PVT1: variants seen among roughly 807,000 people sequenced by gnomAD.
PVT1 encodes the protein CXCR4/PVT1 fusion.
chr8:127,862,952 C>A lies in PVT1; in HGVS notation n.373-27637C>A, dbSNP rs116468558. ...AAGTCCCCTTTGTTAGGCATCCTGTCCCTGGATTCGACACCTCCATTTCTA... is the reference window on the plus strand; with the variant it reads ...AAGTCCCCTTTGTTAGGCATCCTGTACCTGGATTCGACACCTCCATTTCTA... On this transcript the variant is annotated intron_variant and non_coding_transcript_variant, in intron 2 of 10. Transcript: ENST00000651587. Among the ~76,000 whole-genome samples, 764 of 152,158 alleles carry A rather than the reference C, an allele frequency of 5.0e-3. 10 individuals carry two copies. Among genetic ancestry groups the A allele is most frequent in the African/African-American group, 0.017 (709 of 41,490 alleles).
chr8:128,050,397 C>T (rs1197348651), intron 4 of PVT1, among the ~76,000 whole-genome samples: 1 of 152,188 alleles, frequency 6.6e-6, no homozygotes, highest in Non-Finnish European at 1.5e-5. Flanking sequence ...AGTCAGACCT[C>T]TCAGGGGGCA....
intron 2 of PVT1, among the ~76,000 whole-genome samples, chr8:127,851,476 G>C (rs924974331): frequency 1.3e-5 from 2 of 152,182 alleles, no homozygotes; most frequent in East Asian, 3.8e-4. Context: ...GGGCTTTGCA[G>C]GCTTTTGGTG....
At chr8:127,842,852 G>A (rs7815137) in intron 2 of PVT1, among the ~76,000 whole-genome samples, 12,059 of 152,186 alleles carry the variant, frequency 0.079, 1,455 homozygotes, top group African/African-American at 0.26. Context: ...TCTCAAAGGG[G>A]GTTGAATGAG....
chr8:127,915,134 A>C (rs1341209096), intron 3 of PVT1, among the ~76,000 whole-genome samples: 1 of 152,000 alleles, frequency 6.6e-6, no homozygotes, highest in Non-Finnish European at 1.5e-5. Context: ...CAATGAGTAC[A>C]AAGTTTTATT....
At chr8:128,004,663 T>G (rs775761673) in intron 4 of PVT1, among the ~76,000 whole-genome samples, 46 of 152,196 alleles carry the variant, frequency 3.0e-4, no homozygotes, top group Non-Finnish European at 5.4e-4. Flanking sequence ...GGAGATAGAC[T>G]AGTCTCCAGA....
chr8:127,856,245 GGGTGGCTGGGAAA>G (rs1420297883), intron 2 of PVT1, among the ~76,000 whole-genome samples: 1 of 152,018 alleles, frequency 6.6e-6, no homozygotes, highest in Non-Finnish European at 1.5e-5. Flanking sequence ...GGGTATGCTG[GGGTGGCTGGGAAA>G]GGTGGTTGGG....
At chr8:127,839,788 C>T (rs953783247) in intron 2 of PVT1, among the ~76,000 whole-genome samples, 2 of 151,978 alleles carry the variant, frequency 1.3e-5, no homozygotes, top group African/African-American at 4.8e-5. Context: ...GTTAAGGAGC[C>T]AACATGGATC....
intron 2 of PVT1, among the ~76,000 whole-genome samples, chr8:127,799,137 G>A (rs1172298962): frequency 6.6e-6 from 1 of 151,906 alleles, no homozygotes; most frequent in Non-Finnish European, 1.5e-5. Context: ...TTAGGTGGGG[G>A]GGGAGGTATG....
chr8:127,997,987 ATTC>A (rs913144869), intron 4 of PVT1, among the ~76,000 whole-genome samples: 9 of 152,114 alleles, frequency 5.9e-5, no homozygotes, highest in African/African-American at 1.4e-4. Flanking sequence ...GGGTTGTCTG[ATTC>A]TTCTTCTTAT....
At chr8:127,975,153 T>A (rs954083061) in intron 3 of PVT1, among the ~76,000 whole-genome samples, 2 of 152,194 alleles carry the variant, frequency 1.3e-5, no homozygotes, top group African/African-American at 4.8e-5. Context: ...CTTTTTCTTC[T>A]TGGAAAATCT....
At chr8:128,071,285 G>A (rs1813985121) in intron 5 of PVT1, among the ~76,000 whole-genome samples, 2 of 152,190 alleles carry the variant, frequency 1.3e-5, no homozygotes, top group Non-Finnish European at 2.9e-5. Context: ...GACAGGTGCA[G>A]ATGAATACCT....
chr8:127,997,787 T>G (rs1057134907), intron 4 of PVT1, among the ~76,000 whole-genome samples: 3 of 152,184 alleles, frequency 2.0e-5, no homozygotes, highest in African/African-American at 7.2e-5. Context: ...AGTTGAAACA[T>G]TACTTTAGTT....
chr8:127,796,500 G>A (rs1316146351), intron 2 of PVT1, among the ~76,000 whole-genome samples: 3 of 151,974 alleles, frequency 2.0e-5, no homozygotes, highest in Admixed American at 6.6e-5. Flanking sequence ...CCTCCTGAGC[G>A]GTAGGCAGGC....
intron 2 of PVT1, among the ~76,000 whole-genome samples, chr8:127,831,998 A>C (rs6990683): frequency 0.034 from 5,189 of 152,310 alleles, 289 homozygotes; most frequent in African/African-American, 0.12. Context: ...TTTGATTCTC[A>C]AAACAACATC....
At chr8:127,905,318 G>A (rs1586429979) in intron 3 of PVT1, among the ~76,000 whole-genome samples, 1 of 152,218 alleles carries the variant, frequency 6.6e-6, no homozygotes, top group Non-Finnish European at 1.5e-5. Context: ...TTTGTGCTGA[G>A]CTTCACTATC....
chr8:128,035,447 A>C (rs975702265), intron 4 of PVT1, among the ~76,000 whole-genome samples: 8 of 152,190 alleles, frequency 5.3e-5, no homozygotes, highest in African/African-American at 1.9e-4. Context: ...TGGGGGGCCA[A>C]GGGATGGAAT....
intron 4 of PVT1, among the ~76,000 whole-genome samples, chr8:128,056,630 C>A (rs1458497306): frequency 1.3e-5 from 2 of 152,100 alleles, no homozygotes; most frequent in Non-Finnish European, 2.9e-5. Context: ...AGGCCAATGC[C>A]TAGTGCCTTC....
chr8:127,831,086 CCT>C (rs1814843937), intron 2 of PVT1, among the ~76,000 whole-genome samples: 2 of 150,198 alleles, frequency 1.3e-5, no homozygotes, highest in African/African-American at 4.9e-5. Flanking sequence ...AGATAAAACT[CCT>C]CTTTATATAC....
intron 3 of PVT1, among the ~76,000 whole-genome samples, chr8:127,986,522 G>A (rs1586468728): frequency 6.6e-6 from 1 of 152,206 alleles, no homozygotes; most frequent in African/African-American, 2.4e-5. Context: ...GGGTCTGGGG[G>A]CAGCCACCTG....
Sources: allele counts gnomAD v4.1 joint callset (sites outside exome capture counted in the v4.1 genomes callset), GRCh38; gene constraint gnomAD v4.1.1; transcripts MANE v1.5; gene names NCBI Gene and HGNC (gene_info 2026-07-23, HGNC 2026-07-21).